Variants in ACVR1C observed in about 807,000 individuals in gnomAD.
ACVR1C encodes the protein activin A receptor type 1C, also known as activin receptor type-1C.
In ACVR1C, 23 loss-of-function variants were observed where a neutral mutation model predicts 57.9. The observed-to-expected ratio is 0.40, with a 90% CI of 0.29 to 0.56. ACVR1C has a LOEUF of 0.56. Among genes scored for constraint, ACVR1C ranks in the 20% least tolerant of loss-of-function variants. The pLI, the probability that ACVR1C is intolerant of heterozygous loss-of-function variation, is 0.50. For synonymous variants in ACVR1C, 214 were observed against 215.3 expected, an observed-to-expected ratio of 0.99 and a Z score of 0.05; for missense variants, 480 against 607.9, an observed-to-expected ratio of 0.79 and a Z score of 2.21.
At chr2:157,626,391 GA>G (rs1559001462) in intron 1 of ACVR1C, among the ~76,000 whole-genome samples, 1 of 152,232 alleles carries the variant, frequency 6.6e-6, no homozygotes, top group Non-Finnish European at 1.5e-5. Context: ...ACAATGTGGG[GA>G]ATGAGCAGCC....
In ACVR1C at chr2:157,628,564, C is replaced by G. The variant is rs763590044; in HGVS notation, c.73+8G>C. The G allele has an allele frequency of 6.5e-5, 105 of 1,607,204 alleles. No homozygotes were observed. The highest frequency in any genetic ancestry group is 2.0e-4 in the Admixed American group (12 of 59,656). On this transcript the variant is annotated splice_region_variant and intron_variant, in intron 1 of 8. Transcript: ENST00000243349. ...TCGCGGGCGTCGGGAGAGAAACCAG[C>G]ACCGTACCTGGCGAGAGCTCGGCGG...
chr2:157,556,716 T>A (rs1157619562), intron 2 of ACVR1C, among the ~76,000 whole-genome samples: 1 of 142,066 alleles, frequency 7.0e-6, no homozygotes, highest in African/African-American at 2.7e-5. Context: ...CAGGCTGGAG[T>A]GCAGTGGTGC....
At chr2:157,547,935 G>A (rs1471575329) in intron 4 of ACVR1C, among the ~76,000 whole-genome samples, 1 of 151,516 alleles carries the variant, frequency 6.6e-6, no homozygotes, top group East Asian at 1.9e-4. Context: ...TTTCTTCTAG[G>A]GTTTTTATGG....
intron 4 of ACVR1C, among the ~76,000 whole-genome samples, chr2:157,549,029 A>C (rs746882042): frequency 1.3e-5 from 2 of 152,144 alleles, no homozygotes. Flanking sequence ...AAATATTGAA[A>C]TATTTCTGTC....
intron 4 of ACVR1C, among the ~76,000 whole-genome samples, chr2:157,546,389 T>C (rs1283266888): frequency 6.6e-6 from 1 of 152,228 alleles, no homozygotes; most frequent in Non-Finnish European, 1.5e-5. Context: ...TCAGTAAACA[T>C]AATTATGGCC....
intron 1 of ACVR1C, among the ~76,000 whole-genome samples, chr2:157,588,777 T>G (rs947931798): frequency 6.7e-6 from 1 of 149,230 alleles, no homozygotes; most frequent in African/African-American, 2.4e-5. Context: ...ATTTCATTCT[T>G]TTTTATGGCT....
At chr2:157,587,693 C>G (rs535691087) in intron 1 of ACVR1C, among the ~76,000 whole-genome samples, 1 of 152,102 alleles carries the variant, frequency 6.6e-6, no homozygotes, top group African/African-American at 2.4e-5. Flanking sequence ...TAAATACCCC[C>G]ATATTAAGTT....
chr2:157,558,645 A>G (rs1344343722), intron 2 of ACVR1C, among the ~76,000 whole-genome samples: 1 of 152,134 alleles, frequency 6.6e-6, no homozygotes, highest in Non-Finnish European at 1.5e-5. Flanking sequence ...TCTTCCCCTG[A>G]GTGTTTCGGA....
chr2:157,612,273 A>G (rs1005457221), intron 1 of ACVR1C, among the ~76,000 whole-genome samples: 2 of 152,152 alleles, frequency 1.3e-5, no homozygotes, highest in Non-Finnish European at 2.9e-5. Flanking sequence ...ATGGGCCCCA[A>G]AACAGAGGCT....
At chr2:157,572,872 G>A (rs573075454) in intron 2 of ACVR1C, among the ~76,000 whole-genome samples, 2 of 152,262 alleles carry the variant, frequency 1.3e-5, no homozygotes, top group Non-Finnish European at 2.9e-5. Flanking sequence ...TGTCCCCAGA[G>A]AGTGAGCTAT....
intron 1 of ACVR1C, among the ~76,000 whole-genome samples, chr2:157,614,800 A>C (rs1436833359): frequency 1.3e-5 from 2 of 152,016 alleles, no homozygotes; most frequent in Non-Finnish European, 2.9e-5. Context: ...TAATATAGCC[A>C]CCCCAGCTTT....
At chr2:157,588,866 T>TATATATATATATATATATAG (rs1558989008) in intron 1 of ACVR1C, among the ~76,000 whole-genome samples, 1 of 141,980 alleles carries the variant, frequency 7.0e-6, no homozygotes, top group African/African-American at 2.6e-5. Context: ...TATATATATA[T>TATATATATATATATATATAG]ATATATATAT....
intron 3 of ACVR1C, among the ~76,000 whole-genome samples, chr2:157,554,082 C>T (rs950267785): frequency 2.7e-5 from 4 of 150,070 alleles, no homozygotes; most frequent in African/African-American, 7.4e-5. Flanking sequence ...ACTTAGGAGG[C>T]TCAGGTAGGA....
intron 1 of ACVR1C, among the ~76,000 whole-genome samples, chr2:157,623,437 A>G (rs908157305): frequency 1.1e-4 from 16 of 152,220 alleles, no homozygotes; most frequent in Non-Finnish European, 2.2e-4. Context: ...AAAAAGAATG[A>G]GATCCAGTCA....
chr2:157,566,665 C>G (rs903604067), intron 2 of ACVR1C, among the ~76,000 whole-genome samples: 1 of 151,704 alleles, frequency 6.6e-6, no homozygotes, highest in Non-Finnish European at 1.5e-5. Flanking sequence ...GCTTAAGAAA[C>G]GGCGCACCAC....
At chr2:157,584,367 G>A (rs925267186) in intron 2 of ACVR1C, among the ~76,000 whole-genome samples, 1 of 152,078 alleles carries the variant, frequency 6.6e-6, no homozygotes, top group African/African-American at 2.4e-5. Flanking sequence ...GCCTCCCAAA[G>A]TGCTGGGATT....
chr2:157,547,388 GC>G (rs1377270869), intron 4 of ACVR1C, among the ~76,000 whole-genome samples: 5 of 55,702 alleles, frequency 9.0e-5, no homozygotes, highest in African/African-American at 2.5e-4. Flanking sequence ...CTGAGGAATC[GC>G]CACACTGACT....
chr2:157,542,687 C>A lies in ACVR1C; in HGVS notation c.1100+19G>T, dbSNP rs1687650414. 1.2e-6 allele frequency: 2 copies of A among 1,609,386 alleles called. No individual in the cohort carries two copies. Among genetic ancestry groups the A allele is most frequent in the Admixed American group, 3.4e-5 (2 of 59,474 alleles). On this transcript the variant is annotated intron_variant, in intron 6 of 8. Transcript: ENST00000243349. Reference sequence around the variant, plus strand: ...GGCACTCTCACATCTTACTATGCTACCCAAGTCAGTCGTCTTACCTCTTGG... The same window carrying A: ...GGCACTCTCACATCTTACTATGCTAACCAAGTCAGTCGTCTTACCTCTTGG...
At chr2:157,564,955 C>G (rs1318189662) in intron 2 of ACVR1C, among the ~76,000 whole-genome samples, 1 of 151,984 alleles carries the variant, frequency 6.6e-6, no homozygotes, top group Non-Finnish European at 1.5e-5. Context: ...CGGGACCTGT[C>G]AGGGGGTGGA....
Sources: allele counts gnomAD v4.1 joint callset (sites outside exome capture counted in the v4.1 genomes callset), GRCh38; gene constraint gnomAD v4.1.1; transcripts MANE v1.5; gene names NCBI Gene and HGNC (gene_info 2026-07-23, HGNC 2026-07-21).